ADAM32: variants seen among roughly 807,000 people sequenced by gnomAD.
ADAM32 encodes disintegrin and metalloproteinase domain-containing protein 32.
ADAM32 carries 89 observed loss-of-function variants against 114.9 expected under a neutral mutation model. The ratio of observed to expected loss-of-function variants is 0.77; its 90% CI spans 0.65 to 0.92. The LOEUF is 0.92. Among genes scored for constraint, ADAM32 ranks in the 40% least tolerant of loss-of-function variants. The pLI, the probability that ADAM32 is intolerant of heterozygous loss-of-function variation, is 0.00. For synonymous variants in ADAM32, 285 were observed against 307.5 expected (o/e 0.93, Z 0.77); for missense variants, 870 against 932.8 (o/e 0.93, Z 0.88).
intron 22 of ADAM32, among the ~76,000 whole-genome samples, chr8:39,279,209 T>G (rs542534547): frequency 1.3e-5 from 2 of 152,362 alleles, no homozygotes; most frequent in Non-Finnish European, 2.9e-5. Context: ...TATTGACTCT[T>G]TCTCATTCTT....
At chr8:39,107,712 C>CCCCGCGTT (rs1249509582), upstream of ADAM32, 1 of 1,548,722 alleles carries the variant, frequency 6.5e-7, no homozygotes, top group Non-Finnish European at 8.7e-7. Flanking sequence ...GTCCGCGCGT[C>CCCCGCGTT]CCCGCGTCCC....
intron 2 of ADAM32, among the ~76,000 whole-genome samples, chr8:39,118,768 TACA>T (rs906886592): frequency 1.3e-5 from 2 of 152,170 alleles, no homozygotes; most frequent in Admixed American, 1.3e-4. Context: ...AGGTGCAATT[TACA>T]ACACCATAGA....
At position 39,186,957 on chromosome 8, in the gene ADAM32, A is replaced by T. The variant is rs776591029; in HGVS notation, c.964A>T (p.Met322Leu). The T allele has an allele frequency of 4.3e-6, 7 of 1,612,950 alleles. No individual in the cohort carries two copies. Among genetic ancestry groups the T allele is most frequent in the Middle Eastern group, 1.6e-4 (1 of 6,080 alleles). Reference protein sequence around the residue: ...LEAFAVIVTQMLALSLGISYD... With the variant: ...LEAFAVIVTQLLALSLGISYD... ...GGCATTTGCAGTTATTGTCACCCAG[A>T]TGCTGGCACTCAGTCTGGGAATATC... Residue 322 changes from methionine (M) to leucine (L), a missense_variant, in exon 11 of 25, where the codon ATG becomes TTG. By Grantham distance (15) the Met-to-Leu change is conservative. Coordinates refer to ENST00000379907, the MANE Select transcript of ADAM32 (RefSeq NM_145004.7).
At chr8:39,110,258 A>G (rs1016409577) in intron 1 of ADAM32, among the ~76,000 whole-genome samples, 5 of 152,026 alleles carry the variant, frequency 3.3e-5, no homozygotes, top group African/African-American at 9.7e-5. Flanking sequence ...TTTAGTAGAG[A>G]TGGGGTTTCA....
At chr8:39,213,509 G>A (rs1364802037) in intron 12 of ADAM32, among the ~76,000 whole-genome samples, 2 of 151,572 alleles carry the variant, frequency 1.3e-5, no homozygotes, top group East Asian at 3.9e-4. Flanking sequence ...TCTAATTTTT[G>A]TGGGTAGTAG....
intron 10 of ADAM32, among the ~76,000 whole-genome samples, chr8:39,171,076 G>A (rs942758057): frequency 2.0e-5 from 3 of 152,052 alleles, no homozygotes; most frequent in African/African-American, 7.2e-5. Context: ...TGAGATTACA[G>A]AGGTGACCCA....
rs943274307 is a variant in ADAM32 at position 39,254,302 on chromosome 8, C to T, written c.1903-112C>T. ...CCAAACATTTGATATGTGAGACTGT[C>T]GCTCTAAATAAACAAAATTACACTA... is the stretch of plus-strand genomic sequence containing the variant. On this transcript the variant is annotated intron_variant, in intron 17 of 24. Coordinates refer to ENST00000379907, the MANE Select transcript of ADAM32 (RefSeq NM_145004.7). 11 of 756,196 alleles carry T rather than the reference C, an allele frequency of 1.5e-5. No homozygotes were observed. In the East Asian group the frequency reaches 1.9e-4, roughly 13 times the overall value. 46.8% of individuals were successfully genotyped at this position (756,196 alleles called of 1,614,324 possible).
At chr8:39,164,671 G>A in intron 7 of ADAM32, 93 bp from the exon 8 acceptor site, 2 of 917,394 alleles carry the variant, frequency 2.2e-6, no homozygotes, top group Non-Finnish European at 1.6e-6. Context: ...GAAACCCAAA[G>A]CAGCCTTACA....
intron 17 of ADAM32, among the ~76,000 whole-genome samples, chr8:39,253,755 A>C (rs562115941): frequency 3.2e-4 from 49 of 151,830 alleles, no homozygotes; most frequent in African/African-American, 1.2e-3. Flanking sequence ...AAACATGAAA[A>C]AAAGTAAAAG....
intron 11 of ADAM32, among the ~76,000 whole-genome samples, chr8:39,190,836 G>T (rs769648407): frequency 6.6e-6 from 1 of 152,018 alleles, no homozygotes; most frequent in African/African-American, 2.4e-5. Context: ...GAGTCATGGG[G>T]GTTTGTTGTA....
In ADAM32 at chr8:39,158,110, G is replaced by A. The variant is rs1322897996; in HGVS notation, c.526-2787G>A. Reference sequence around the variant, plus strand: ...GTCCTGCCCAAACGCTTGCTTCACAGGTACCTGGTCCTCTAGCCTCTCCAG... The same window carrying A: ...GTCCTGCCCAAACGCTTGCTTCACAAGTACCTGGTCCTCTAGCCTCTCCAG... On this transcript the variant is annotated intron_variant, in intron 6 of 24. Coordinates refer to ENST00000379907, the MANE Select transcript of ADAM32 (RefSeq NM_145004.7). 10 of 222,108 alleles carry A rather than the reference G, an allele frequency of 4.5e-5. No individual in the cohort carries two copies. The Admixed American group carries it at 4.8e-4, about 11-fold the overall frequency. 13.8% of individuals were successfully genotyped at this position (222,108 alleles called of 1,614,324 possible). A position where few individuals can be genotyped will look rare whatever the true frequency, so the allele number is the denominator to read the frequency against.
At chr8:39,274,442 T>C (rs561306626) in intron 21 of ADAM32, 92 bp downstream of exon 21, 2 of 1,425,984 alleles carry the variant, frequency 1.4e-6, no homozygotes. Flanking sequence ...TTTTGAACAA[T>C]GTCAATTGGT....
intron 14 of ADAM32, among the ~76,000 whole-genome samples, chr8:39,227,436 G>T (rs1004237387): frequency 1.3e-5 from 2 of 152,168 alleles, no homozygotes; most frequent in African/African-American, 4.8e-5. Flanking sequence ...GGCCAGAGGA[G>T]CATGGGGTAA....
intron 2 of ADAM32, among the ~76,000 whole-genome samples, chr8:39,125,748 C>T (rs778068231): frequency 2.0e-5 from 3 of 152,100 alleles, no homozygotes; most frequent in African/African-American, 7.2e-5. Context: ...TTATCCATAC[C>T]TTTGTCCTGA....
Position 39,263,007 on chromosome 8 carries a change from G to A in ADAM32, c.2162+5664G>A, listed in dbSNP as rs77470207. On this transcript the variant is annotated intron_variant, in intron 19 of 24. Coordinates refer to ENST00000379907, the MANE Select transcript of ADAM32 (RefSeq NM_145004.7). ...ATGTGTGAGGCACCAGGCTTGGTGA[G>A]GTGTTCTGTTTACGATTCAGTCCTG... 2.0e-5 allele frequency among the ~76,000 whole-genome samples: 3 copies of A among 152,162 alleles called. No individual in the cohort carries two copies. In the East Asian group the frequency reaches 5.8e-4, roughly 29 times the overall value.
At chr8:39,131,323 A>T (rs1180234652) in intron 2 of ADAM32, among the ~76,000 whole-genome samples, 1 of 152,094 alleles carries the variant, frequency 6.6e-6, no homozygotes, top group Non-Finnish European at 1.5e-5. Flanking sequence ...CATCTCTCCA[A>T]AAAATAAAAC....
At chr8:39,194,070 C>G (rs775607134) in intron 11 of ADAM32, among the ~76,000 whole-genome samples, 12 of 152,050 alleles carry the variant, frequency 7.9e-5, no homozygotes, top group Non-Finnish European at 1.6e-4. Flanking sequence ...GCTTCCATAC[C>G]AGTGTTTGTA....
chr8:39,214,438 T>C (rs754086815), intron 12 of ADAM32, among the ~76,000 whole-genome samples: 1 of 152,098 alleles, frequency 6.6e-6, no homozygotes, highest in South Asian at 2.1e-4. Context: ...CTGTTACTCA[T>C]TGATGTTGAA....
At chr8:39,151,979 C>A (rs1302309230) in intron 6 of ADAM32, among the ~76,000 whole-genome samples, 1 of 152,002 alleles carries the variant, frequency 6.6e-6, no homozygotes, top group Admixed American at 6.6e-5. Flanking sequence ...CTTTCTGTTA[C>A]CTAACAATTT....
Sources: gnomAD v4.1 joint callset for allele counts (sites outside exome capture counted in the v4.1 genomes callset) on GRCh38, gnomAD v4.1.1 for gene constraint, MANE v1.5 for transcripts, NCBI Gene and HGNC (gene_info 2026-07-23, HGNC 2026-07-21) for gene names.